ACSBG1: variants seen among roughly 807,000 people sequenced by gnomAD.
ACSBG1 encodes the protein long-chain-fatty-acid--CoA ligase ACSBG1.
ACSBG1 carries 39 observed loss-of-function variants against 80.2 expected under a neutral mutation model. The ratio of observed to expected loss-of-function variants is 0.49; its 90% CI spans 0.38 to 0.64. The LOEUF (loss-of-function observed/expected upper bound fraction) is 0.64. Ranked by LOEUF, ACSBG1 falls within the 30% of genes least tolerant of loss-of-function variation. The pLI is 0.00. For synonymous variants in ACSBG1, 392 were observed against 379.5 expected, an observed-to-expected ratio of 1.03 and a Z score of -0.38; for missense variants, 828 against 966.4, an observed-to-expected ratio of 0.86 and a Z score of 1.90.
At position 78,179,706 on chromosome 15, in the gene ACSBG1, G is replaced by A; in HGVS notation, c.1328C>T (p.Ala443Val). Residue 443 changes from alanine to valine, a missense_variant, in exon 10 of 14, where the codon GCC becomes GTC. By Grantham distance (64) the Ala-to-Val change is moderately conservative. This residue lies in a region of ACSBG1 where 271 missense variants were observed against 375.9 expected (regional missense o/e 0.72). Coordinates refer to ENST00000258873, the MANE Select transcript of ACSBG1 (RefSeq NM_015162.5). ...TCCATAGAAGTTCTTTTGACACTTG[G>A]CAAATCCCAGTGCCTGGCGAACCTT... ...LAKVRQALGF[A>V]KCQKNFYGAA... The A allele has an allele frequency of 1.9e-6, 3 of 1,614,106 alleles. No homozygotes were observed. Among genetic ancestry groups the A allele is most frequent in the Non-Finnish European group, 2.5e-6 (3 of 1,180,038 alleles).
rs115191656 is a variant in ACSBG1, at chr15:78,230,653, G to A, written c.131+3718C>T. On this transcript the variant is annotated intron_variant, in intron 1 of 13. Transcript: ENST00000258873. ...TGCATCATGGGGGCAGGTCCTTCCC[G>A]TGCTGTTCTCGTTACAGTAAGTCGC... 7.4e-3 allele frequency among the ~76,000 whole-genome samples: 1,131 copies of A among 152,272 alleles called. 20 individuals are homozygous for A. Among genetic ancestry groups the A allele is most frequent in the African/African-American group, 0.025 (1,048 of 41,538 alleles).
At chr15:78,174,323 C>T in intron 12 of ACSBG1, 62 bp downstream of exon 12, 1 of 1,610,338 alleles carries the variant, frequency 6.2e-7, no homozygotes, top group Non-Finnish European at 8.5e-7. Flanking sequence ...TGGCTTCTGC[C>T]AGCCAGACCC....
chr15:78,208,589 G>A (rs572513861), intron 1 of ACSBG1, among the ~76,000 whole-genome samples: 8 of 152,166 alleles, frequency 5.3e-5, no homozygotes, highest in African/African-American at 1.7e-4. Context: ...GGTACTCATA[G>A]GGCTCTCAGG....
rs1028201611 is a variant in ACSBG1, at chr15:78,172,949, C to G, written c.2089+644G>C. ...GAACCACGTGACTCCAGGCTGAACA[C>G]TAGCAGGGCCTTGGTGTTGGCCTGG... On this transcript the variant is annotated intron_variant, in intron 13 of 13. Coordinates refer to ENST00000258873, the MANE Select transcript of ACSBG1 (RefSeq NM_015162.5). This position sits in a 1 kb window ranked among gnomAD's most constrained non-coding sequence, Gnocchi z 4.1. Among the ~76,000 whole-genome samples, 9 of 152,238 alleles carry G rather than the reference C, an allele frequency of 5.9e-5. No homozygotes were observed. Among genetic ancestry groups the G allele is most frequent in the Non-Finnish European group, 1.3e-4 (9 of 68,042 alleles).
rs1567076671 is a variant in ACSBG1, at chr15:78,172,581, A to T, written c.2089+1012T>A. Among the ~76,000 whole-genome samples, 2 of 152,186 alleles carry T rather than the reference A, an allele frequency of 1.3e-5. No individual in the cohort carries two copies. The highest frequency in any genetic ancestry group is 1.3e-4 in the Admixed American group (2 of 15,276). ...TTTCTGTGTTAAAGTCATTATATTA[A>T]CTGCTTAGTGAAGACATCTTCTGTC... is the stretch of plus-strand genomic sequence containing the variant. On this transcript the variant is annotated intron_variant, in intron 13 of 13. Coordinates refer to ENST00000258873, the MANE Select transcript of ACSBG1 (RefSeq NM_015162.5). This position sits in a 1 kb window ranked among gnomAD's most constrained non-coding sequence, Gnocchi z 4.1.
chr15:78,189,761 A>T (rs918457840), intron 5 of ACSBG1, among the ~76,000 whole-genome samples: 14 of 152,068 alleles, frequency 9.2e-5, no homozygotes, highest in Admixed American at 4.6e-4. Context: ...AGCATGGCAC[A>T]TGTATACATA....
chr15:78,231,274 C>G (rs1000112502), intron 1 of ACSBG1, among the ~76,000 whole-genome samples: 1 of 147,264 alleles, frequency 6.8e-6, no homozygotes, highest in African/African-American at 2.5e-5. Flanking sequence ...GCATGCGCCA[C>G]CACGCCTGGC....
Position 78,194,621 on chromosome 15 carries a change from AG to A in ACSBG1, c.337del (p.Leu113TrpfsTer38). The A allele has an allele frequency of 1.2e-6, 2 of 1,614,282 alleles. No individual in the cohort carries two copies. ...YTVHRMFYEA[L>X]DKYGDLIALG... The stretch of plus-strand genomic sequence containing the variant: ...AGCGATGAGGTCCCCATACTTATCC[AG>A]GGCCTCGTAGAACATCCGATGCACA... On this transcript the variant is annotated frameshift_variant, in exon 3 of 14. Coordinates refer to ENST00000258873, the MANE Select transcript of ACSBG1 (RefSeq NM_015162.5). LOFTEE classifies it high-confidence loss of function.
At chr15:78,226,785 A>AAT (rs140363906) in intron 1 of ACSBG1, among the ~76,000 whole-genome samples, 1,578 of 78,294 alleles carry the variant, frequency 0.02, 54 homozygotes, top group African/African-American at 0.06. Context: ...CACATAGAAA[A>AAT]ATATATATAT....
chr15:78,214,977 T>C (rs972466286), intron 1 of ACSBG1, among the ~76,000 whole-genome samples: 8 of 152,318 alleles, frequency 5.3e-5, no homozygotes, highest in Admixed American at 3.9e-4. Flanking sequence ...TTGACTCGAA[T>C]ACTGGTCCTG....
intron 1 of ACSBG1, among the ~76,000 whole-genome samples, chr15:78,227,843 T>C (rs2075416408): frequency 1.3e-5 from 2 of 152,190 alleles, no homozygotes; most frequent in Non-Finnish European, 2.9e-5. Context: ...GCAATACTGA[T>C]CAATCTCACA....
chr15:78,195,996 C>A (rs2075110603), intron 2 of ACSBG1, among the ~76,000 whole-genome samples: 1 of 152,224 alleles, frequency 6.6e-6, no homozygotes, highest in Admixed American at 6.5e-5. Context: ...GACAGGAGAG[C>A]CCATTCCTCC....
rs2074855466 is a variant in ACSBG1, at chr15:78,173,922, C to T, written c.1843-83G>A. On this transcript the variant is annotated intron_variant, in intron 12 of 13. Coordinates refer to ENST00000258873, the MANE Select transcript of ACSBG1 (RefSeq NM_015162.5). ...GTCCTGGAGGAGGTCTTACTGCTGTCGGCAAGGGTGTGAATCATGTGAGCT... is the reference window on the plus strand; with the variant it reads ...GTCCTGGAGGAGGTCTTACTGCTGTTGGCAAGGGTGTGAATCATGTGAGCT... 2.0e-6 allele frequency: 3 copies of T among 1,503,622 alleles called. No homozygotes were observed. The South Asian group carries it at 3.9e-5, about 20-fold the overall frequency. 93.1% of individuals were successfully genotyped at this position (1,503,622 alleles called of 1,614,324 possible).
chr15:78,199,915 T>C (rs1480044553), intron 2 of ACSBG1, among the ~76,000 whole-genome samples: 1 of 152,184 alleles, frequency 6.6e-6, no homozygotes, highest in Non-Finnish European at 1.5e-5. Flanking sequence ...TGTGGCTGCG[T>C]TGTACTCCAC....
intron 1 of ACSBG1, among the ~76,000 whole-genome samples, chr15:78,214,964 A>G (rs1392199639): frequency 1.3e-5 from 2 of 152,146 alleles, no homozygotes; most frequent in African/African-American, 4.8e-5. Flanking sequence ...ACACCCTAAC[A>G]GTTTGACTCG....
In ACSBG1 at chr15:78,177,666, G is replaced by A. The variant is rs1057157975; in HGVS notation, c.1702+948C>T. Among the ~76,000 whole-genome samples the A allele has an allele frequency of 1.4e-4, 21 of 152,124 alleles. No homozygotes were observed. The highest frequency in any genetic ancestry group is 4.8e-4 in the African/African-American group (20 of 41,420). On this transcript the variant is annotated intron_variant, in intron 11 of 13. Coordinates refer to ENST00000258873, the MANE Select transcript of ACSBG1 (RefSeq NM_015162.5). The surrounding 1 kb of genome is among the most constrained non-coding windows in gnomAD (Gnocchi z 4.1). ...CACATCCCAGGGCCCAAACGCCACC[G>A]CGACCTTTTGTCCCTCCCTGGGGTG...
rs1217924681 is a variant in ACSBG1, at chr15:78,177,822, G to A, written c.1702+792C>T. ...TGAAGCCCTGGTGCAGGATTCCCAC[G>A]TGGATGCTGCGGGCATGACACCAAC... On this transcript the variant is annotated intron_variant, in intron 11 of 13. Coordinates refer to ENST00000258873, the MANE Select transcript of ACSBG1 (RefSeq NM_015162.5). The surrounding 1 kb of genome is among the most constrained non-coding windows in gnomAD (Gnocchi z 4.1). Among the ~76,000 whole-genome samples, 1 of 152,152 alleles carries A rather than the reference G, an allele frequency of 6.6e-6. No homozygotes were observed. The highest frequency in any genetic ancestry group is 1.5e-5 in the Non-Finnish European group (1 of 68,020).
chr15:78,209,410 C>T (rs2075248730), intron 1 of ACSBG1, among the ~76,000 whole-genome samples: 1 of 152,054 alleles, frequency 6.6e-6, no homozygotes, highest in South Asian at 2.1e-4. Context: ...CTATGGCGAC[C>T]CACTCCAGGG....
intron 8 of ACSBG1, among the ~76,000 whole-genome samples, chr15:78,181,646 A>G (rs1305982776): frequency 6.6e-6 from 1 of 151,930 alleles, no homozygotes; most frequent in East Asian, 1.9e-4. Flanking sequence ...GGCACCTGCC[A>G]CCACTCCCAT....
Sources: allele counts gnomAD v4.1 joint callset (sites outside exome capture counted in the v4.1 genomes callset), GRCh38; gene constraint gnomAD v4.1.1; regional missense constraint gnomAD v4.1.1; non-coding constraint Gnocchi (gnomAD v3.1); transcripts MANE v1.5; gene names NCBI Gene and HGNC (gene_info 2026-07-23, HGNC 2026-07-21).